The following PCDHGA1 variants were observed in gnomAD, a reference collection of about 807,000 sequenced individuals.
PCDHGA1 encodes protocadherin gamma-A1.
In PCDHGA1, 32 loss-of-function variants were observed where a neutral mutation model predicts 58.0. That is an observed-to-expected ratio of 0.55 (90% CI 0.42 to 0.74). The LOEUF (loss-of-function observed/expected upper bound fraction) is 0.74, where lower values mean the gene tolerates loss of function less well. PCDHGA1 is among the 30% of genes least tolerant of loss of function. The pLI is 0.00. For missense variants in PCDHGA1, 1,205 were observed against 1,182.3 expected, an observed-to-expected ratio of 1.02 and a Z score of -0.28; for synonymous variants, 498 against 501.1, an observed-to-expected ratio of 0.99 and a Z score of 0.08.
intron 1 of PCDHGA1, chr5:141,417,670 A>T: frequency 1.1e-6 from 1 of 929,118 alleles, no homozygotes; most frequent in Admixed American, 3.2e-5. Context: ...TTCCCTGCGC[A>T]GCCAACAACA....
At chr5:141,402,202 A>G (rs1223519214) in intron 1 of PCDHGA1, among the ~76,000 whole-genome samples, 1 of 152,138 alleles carries the variant, frequency 6.6e-6, no homozygotes. Flanking sequence ...CTTTTATAAT[A>G]CAAAAATTTA....
At chr5:141,492,384 C>T (rs1001189412) in intron 1 of PCDHGA1, among the ~76,000 whole-genome samples, 1 of 152,230 alleles carries the variant, frequency 6.6e-6, no homozygotes, top group African/African-American at 2.4e-5. Context: ...AGGCCTGTTC[C>T]GGTCCACTCG....
At chr5:141,439,472 A>G (rs1185561573) in intron 1 of PCDHGA1, among the ~76,000 whole-genome samples, 3 of 152,228 alleles carry the variant, frequency 2.0e-5, no homozygotes, top group Non-Finnish European at 4.4e-5. Flanking sequence ...GCTGCCTTTC[A>G]GCTTGCAAAT....
intron 2 of PCDHGA1, among the ~76,000 whole-genome samples, chr5:141,496,631 G>A (rs1434126210): frequency 6.6e-6 from 1 of 152,164 alleles, no homozygotes; most frequent in Admixed American, 6.5e-5. Context: ...CAAAAGGCTT[G>A]GGCTGCCCTT....
chr5:141,351,372 A>T, intron 1 of PCDHGA1: 1 of 1,612,764 alleles, frequency 6.2e-7, no homozygotes, highest in Non-Finnish European at 8.5e-7. Context: ...CGAGACAAGG[A>T]TTCTGGGCAA....
intron 1 of PCDHGA1, chr5:141,339,412 G>C (rs200844226): frequency 6.2e-7 from 1 of 1,614,068 alleles, no homozygotes; most frequent in African/African-American, 1.3e-5. Context: ...AAACCACTAC[G>C]CCAGGATTCC....
In PCDHGA1 at chr5:141,472,980, C is replaced by CAAAA. The variant is rs60579131; in HGVS notation, c.2422-21813_2422-21810dup. ...CAGCCTGGGGAACAAGAGTGAAACT[C>CAAAA]AAAAAAAAAAAAAAAAAGAAAGAAA... On this transcript the variant is annotated intron_variant, in intron 1 of 3. Transcript: ENST00000517417. 5.5e-3 allele frequency among the ~76,000 whole-genome samples: 472 copies of CAAAA among 85,978 alleles called. 4 individuals carry two copies. The highest frequency in any genetic ancestry group is 0.013 in the Admixed American group (104 of 8,158). The allele number at this position is 85,978 out of a possible 152,430, so 56.4% of individuals were successfully genotyped here. A position where few individuals can be genotyped will look rare whatever the true frequency, so the allele number is the denominator to read the frequency against.
chr5:141,490,184 TC>T lies in PCDHGA1; in HGVS notation c.2422-4622del, dbSNP rs1293752541. The T allele has an allele frequency of 1.2e-6, 2 of 1,614,196 alleles. No individual in the cohort carries two copies. The highest frequency in any genetic ancestry group is 1.7e-6 in the Non-Finnish European group (2 of 1,180,030). On this transcript the variant is annotated intron_variant, in intron 1 of 3. Coordinates refer to ENST00000517417, the MANE Select transcript of PCDHGA1 (RefSeq NM_018912.3). This position sits in a 1 kb window ranked among gnomAD's most constrained non-coding sequence, Gnocchi z 5.4. The stretch of plus-strand genomic sequence containing the variant: ...CCCATAGACTTTGAGGAGTCACGTT[TC>T]TATGAAATTCATGCAAGAGCCCGTG...
chr5:141,424,878 G>A (rs1455273258), intron 1 of PCDHGA1, among the ~76,000 whole-genome samples: 2 of 152,162 alleles, frequency 1.3e-5, no homozygotes, highest in African/African-American at 4.8e-5. Context: ...GAGGAAAGGA[G>A]ACTTATCTAG....
intron 1 of PCDHGA1, among the ~76,000 whole-genome samples, chr5:141,458,869 A>G (rs2154566384): frequency 6.6e-6 from 1 of 152,264 alleles, no homozygotes; most frequent in East Asian, 1.9e-4. Context: ...AGTAGCTGGG[A>G]CTACAGGCAT....
intron 1 of PCDHGA1, chr5:141,392,964 G>C (rs772870041): frequency 1.4e-5 from 23 of 1,613,902 alleles, no homozygotes; most frequent in Non-Finnish European, 1.9e-5. Flanking sequence ...TATCTCCAAG[G>C]ACCTGGGGCT....
At position 141,339,889 on chromosome 5, in the gene PCDHGA1, T is replaced by C. The variant is rs757484303; in HGVS notation, c.2421+6784T>C. On this transcript the variant is annotated intron_variant, in intron 1 of 3. Coordinates refer to ENST00000517417, the MANE Select transcript of PCDHGA1 (RefSeq NM_018912.3). ...CTGGAGAACTGACAATCATAAAAGA[T>C]CTAGATTATGAGGATGCTACATTCC... is the stretch of plus-strand genomic sequence containing the variant. 4 of 1,614,088 alleles carry C rather than the reference T, an allele frequency of 2.5e-6. No homozygotes were observed. The South Asian group carries it at 3.3e-5, about 13-fold the overall frequency.
At chr5:141,388,228 A>G (rs768450383) in intron 1 of PCDHGA1, 9 of 1,605,464 alleles carry the variant, frequency 5.6e-6, no homozygotes, top group Non-Finnish European at 7.7e-6. Context: ...AATCCACTGA[A>G]CTTTTATCAC....
chr5:141,432,537 C>T lies in PCDHGA1; in HGVS notation c.2422-62270C>T, dbSNP rs367578838. Reference sequence around the variant, plus strand: ...GGCTACCTGGTGACCAAGGTGGTGGCGGTGGACAGAGACTCCGGCCAGAAC... The same window carrying T: ...GGCTACCTGGTGACCAAGGTGGTGGTGGTGGACAGAGACTCCGGCCAGAAC... On this transcript the variant is annotated intron_variant, in intron 1 of 3. Transcript: ENST00000517417. This position sits in a 1 kb window ranked among gnomAD's most constrained non-coding sequence, Gnocchi z 6.0. The T allele has an allele frequency of 5.6e-6, 9 of 1,613,882 alleles. No homozygotes were observed. The African/African-American group carries it at 6.7e-5, about 12-fold the overall frequency.
intron 1 of PCDHGA1, chr5:141,345,709 C>A (rs1411036287): frequency 1.2e-6 from 2 of 1,614,118 alleles, no homozygotes; most frequent in East Asian, 2.2e-5. Context: ...AACGACAACG[C>A]GCCCGAGATC....
rs1561479324 is a variant in PCDHGA1 at position 141,339,245 on chromosome 5, C to T, written c.2421+6140C>T. On this transcript the variant is annotated intron_variant, in intron 1 of 3. Coordinates refer to ENST00000517417, the MANE Select transcript of PCDHGA1 (RefSeq NM_018912.3). ...CTTGGTCACTGCGAACAGGATAGAC[C>T]GGGAGGAGCTCTGCGCTCAGAGCGC... is the stretch of plus-strand genomic sequence containing the variant. The T allele has an allele frequency of 4.3e-6, 7 of 1,614,202 alleles. No individual in the cohort carries two copies. In the East Asian group the frequency reaches 8.9e-5, roughly 21 times the overall value.
chr5:141,389,248 A>C, intron 1 of PCDHGA1: 1 of 1,614,036 alleles, frequency 6.2e-7, no homozygotes, highest in South Asian at 1.1e-5. Context: ...CAGTCTTCCT[A>C]TATAGTCCAC....
chr5:141,386,951 G>C (rs1313182720), intron 1 of PCDHGA1, among the ~76,000 whole-genome samples: 4 of 152,342 alleles, frequency 2.6e-5, no homozygotes, highest in Non-Finnish European at 4.4e-5. Flanking sequence ...CAGTGCTTCA[G>C]TGCAGCAGAT....
chr5:141,485,116 G>T lies in PCDHGA1; in HGVS notation c.2422-9691G>T, dbSNP rs904145668. ...TGTCTCCAGCTGCTGTGGCTGTTTGGGGCGGGTCGGCTTCATCCGCGTCTC... is the reference window on the plus strand; with the variant it reads ...TGTCTCCAGCTGCTGTGGCTGTTTGTGGCGGGTCGGCTTCATCCGCGTCTC... On this transcript the variant is annotated intron_variant, in intron 1 of 3. Coordinates refer to ENST00000517417, the MANE Select transcript of PCDHGA1 (RefSeq NM_018912.3). This position sits in a 1 kb window ranked among gnomAD's most constrained non-coding sequence, Gnocchi z 5.7. 3.0e-6 allele frequency: 4 copies of T among 1,312,058 alleles called. No homozygotes were observed. The African/African-American group carries it at 5.8e-5, about 19-fold the overall frequency. 81.3% of individuals were successfully genotyped at this position (1,312,058 alleles called of 1,614,324 possible).
Sources: gnomAD v4.1 joint callset for allele counts (sites outside exome capture counted in the v4.1 genomes callset) on GRCh38, gnomAD v4.1.1 for gene constraint, Gnocchi (gnomAD v3.1) non-coding constraint, MANE v1.5 for transcripts, NCBI Gene and HGNC (gene_info 2026-07-23, HGNC 2026-07-21) for gene names.